The following REEP1 variants were observed in gnomAD, a reference collection of about 807,000 sequenced individuals.
REEP1 encodes the protein receptor expression-enhancing protein 1.
Under a neutral mutation model 40.3 loss-of-function variants are expected in REEP1, and 22 were observed. The observed-to-expected ratio is 0.55, with a 90% confidence interval of 0.39 to 0.78. REEP1 has a LOEUF of 0.78. REEP1 is among the 30% of genes least tolerant of loss of function. REEP1 has a pLI of 0.00. For synonymous variants in REEP1, 116 were observed against 139.2 expected (o/e 0.83, Z 1.17); for missense variants, 280 against 361.1 (o/e 0.78, Z 1.82).
chr2:86,303,601 G>A (rs757740155), intron 1 of REEP1, among the ~76,000 whole-genome samples: 14 of 152,122 alleles, frequency 9.2e-5, no homozygotes, highest in Non-Finnish European at 1.8e-4. Context: ...CTGGGCTAAA[G>A]TGATCCTCCT....
chr2:86,265,721 T>C (rs79509089), intron 2 of REEP1, among the ~76,000 whole-genome samples: 1 of 152,146 alleles, frequency 6.6e-6, no homozygotes, highest in Non-Finnish European at 1.5e-5. Flanking sequence ...CACTTATAAA[T>C]AGGAGCTAAA....
chr2:86,218,228 T>G (rs1674232518), intron 8 of REEP1, among the ~76,000 whole-genome samples: 1 of 152,190 alleles, frequency 6.6e-6, no homozygotes, highest in African/African-American at 2.4e-5. Flanking sequence ...TCCTTTGTTC[T>G]CTCATGTTTT....
rs376900710 is a variant in REEP1, at chr2:86,244,718, G to A, written c.417+7239C>T. ...TCCTTTTGAAGCCAGAGCAACTGTGGGCAAAGGGGTGAAAAACAGGCAAAG... is the reference window on the plus strand; with the variant it reads ...TCCTTTTGAAGCCAGAGCAACTGTGAGCAAAGGGGTGAAAAACAGGCAAAG... On this transcript the variant is annotated intron_variant, in intron 5 of 8. Transcript: ENST00000538924. Among the ~76,000 whole-genome samples the A allele has an allele frequency of 3.9e-5, 6 of 152,320 alleles. No homozygotes were observed. In the East Asian group the frequency reaches 7.7e-4, roughly 20 times the overall value.
At chr2:86,258,955 G>A (rs1676710511) in intron 3 of REEP1, among the ~76,000 whole-genome samples, 1 of 152,150 alleles carries the variant, frequency 6.6e-6, no homozygotes, top group South Asian at 2.1e-4. Context: ...CAAAATACAT[G>A]CAATAAATGT....
chr2:86,283,314 A>G (rs1678199686), intron 1 of REEP1, among the ~76,000 whole-genome samples: 1 of 152,176 alleles, frequency 6.6e-6, no homozygotes, highest in Non-Finnish European at 1.5e-5. Context: ...TGGAGGTTTA[A>G]TCTTTTCACC....
chr2:86,314,275 T>C (rs1679892719), intron 1 of REEP1, among the ~76,000 whole-genome samples: 1 of 152,126 alleles, frequency 6.6e-6, no homozygotes, highest in African/African-American at 2.4e-5. Context: ...GGCTGTCAGC[T>C]GAGAAATTTG....
At chr2:86,218,848 C>G (rs1325825204) in intron 8 of REEP1, among the ~76,000 whole-genome samples, 3 of 152,192 alleles carry the variant, frequency 2.0e-5, no homozygotes, top group Non-Finnish European at 4.4e-5. Flanking sequence ...AATAAGAATG[C>G]TAGGCTGCTC....
chr2:86,326,852 C>A (rs183082528), intron 1 of REEP1, among the ~76,000 whole-genome samples: 35 of 152,328 alleles, frequency 2.3e-4, no homozygotes, highest in South Asian at 6.2e-4. Context: ...TCCAGCAAGC[C>A]AAAGATTTAT....
Position 86,215,023 on chromosome 2 carries a change from CTTTTTTTTTTTTTT to C in REEP1, c.*2002_*2015del, listed in dbSNP as rs11350708. ...AAAAATTGCTAAGAAGCTGTGTAAG[CTTTTTTTTTTTTTT>C]TTTTTTTTTGCATTCGTTTCTGATA... is the stretch of plus-strand genomic sequence containing the variant. On this transcript the variant is annotated 3_prime_UTR_variant, in exon 9 of 9. Coordinates refer to ENST00000538924, the MANE Select transcript of REEP1 (RefSeq NM_001371279.1). 3 of 59,558 alleles carry C rather than the reference CTTTTTTTTTTTTTT, an allele frequency of 5.0e-5. No individual in the cohort carries two copies. Among genetic ancestry groups the C allele is most frequent in the African/African-American group, 6.6e-5 (1 of 15,106 alleles). 3.7% of individuals were successfully genotyped at this position (59,558 alleles called of 1,614,324 possible).
At chr2:86,267,240 G>A (rs1362925736) in intron 2 of REEP1, among the ~76,000 whole-genome samples, 1 of 152,032 alleles carries the variant, frequency 6.6e-6, no homozygotes, top group Non-Finnish European at 1.5e-5. Flanking sequence ...TTGGTTCATG[G>A]GGGCGGTTTC....
rs933009883 is a variant in REEP1 at position 86,322,863 on chromosome 2, G to A, written c.32+14616C>T. Among the ~76,000 whole-genome samples, 3 of 152,028 alleles carry A rather than the reference G, an allele frequency of 2.0e-5. No homozygotes were observed. In the East Asian group the frequency reaches 5.8e-4, roughly 29 times the overall value. On this transcript the variant is annotated intron_variant, in intron 1 of 8. Transcript: ENST00000538924. ...TTAAGCTCAGGAGTCTGAGGCTGCA[G>A]TACACTTCCCCACTGCACTTCAGCC...
upstream of REEP1, chr2:86,338,041 C>T: frequency 6.5e-7 from 1 of 1,537,252 alleles, no homozygotes; most frequent in Non-Finnish European, 8.7e-7. Flanking sequence ...CAGACCTAAC[C>T]TCTTCAGTCT....
At chr2:86,243,496 T>G (rs1050721639) in intron 5 of REEP1, among the ~76,000 whole-genome samples, 5 of 152,210 alleles carry the variant, frequency 3.3e-5, no homozygotes, top group Non-Finnish European at 5.9e-5. Context: ...GCCCTTCCTC[T>G]TCAGCTGAGT....
intron 2 of REEP1, among the ~76,000 whole-genome samples, 168 bp downstream of exon 2, chr2:86,282,002 G>A (rs768138350): frequency 1.3e-5 from 2 of 152,154 alleles, no homozygotes; most frequent in Non-Finnish European, 2.9e-5. Flanking sequence ...GGCAGGGGAA[G>A]GTCTAGACAG....
At chr2:86,294,878 A>G (rs960286523) in intron 1 of REEP1, among the ~76,000 whole-genome samples, 1 of 152,192 alleles carries the variant, frequency 6.6e-6, no homozygotes, top group Non-Finnish European at 1.5e-5. Flanking sequence ...CTGGCAGCAG[A>G]AGGGCTCAGA....
In REEP1 at chr2:86,337,492, A is replaced by G; in HGVS notation, c.19T>C (p.Ser7Pro). Residue 7 changes from serine to proline, a missense_variant, in exon 1 of 9, where the codon TCC becomes CCC. Ser to Pro is a moderately conservative substitution (Grantham distance 74). Transcript: ENST00000538924. The surrounding 1 kb of genome is among the most constrained non-coding windows in gnomAD (Gnocchi z 5.8). MVSWIISRLVVLIFGTL... is the reference protein window; with the variant it reads MVSWIIPRLVVLIFGTL... ...AAGGCCACTTACACCACCAGCCTGG[A>G]GATGATCCATGACACCATGGCGGGC... The G allele has an allele frequency of 7.7e-7, 1 of 1,303,620 alleles. No individual in the cohort carries two copies. The highest frequency in any genetic ancestry group is 9.8e-7 in the Non-Finnish European group (1 of 1,018,128). The allele number at this position is 1,303,620 out of a possible 1,614,324, so 80.8% of individuals were successfully genotyped here.
At chr2:86,219,060 A>G (rs1049182443) in intron 8 of REEP1, among the ~76,000 whole-genome samples, 1 of 152,154 alleles carries the variant, frequency 6.6e-6, no homozygotes, top group African/African-American at 2.4e-5. Flanking sequence ...CCCTACCCAC[A>G]TCACAGAGCA....
At chr2:86,307,145 A>G (rs866033285) in intron 1 of REEP1, among the ~76,000 whole-genome samples, 1 of 151,700 alleles carries the variant, frequency 6.6e-6, no homozygotes, top group Non-Finnish European at 1.5e-5. Context: ...TGGAGGTTGC[A>G]GTGAGCCGAG....
At chr2:86,277,460 G>A (rs1397017561) in intron 2 of REEP1, among the ~76,000 whole-genome samples, 3 of 151,832 alleles carry the variant, frequency 2.0e-5, no homozygotes, top group African/African-American at 2.4e-5. Context: ...GGAGGCTGAG[G>A]CAGGAGAATC....
Sources: allele counts gnomAD v4.1 joint callset (sites outside exome capture counted in the v4.1 genomes callset), GRCh38; gene constraint gnomAD v4.1.1; non-coding constraint Gnocchi (gnomAD v3.1); transcripts MANE v1.5; gene names NCBI Gene and HGNC (gene_info 2026-07-23, HGNC 2026-07-21).